Variants in SYN3 observed in about 807,000 individuals in gnomAD.
SYN3 encodes the protein synapsin III, also known as synapsin-3.
Under a neutral mutation model 65.8 loss-of-function variants are expected in SYN3, and 35 were observed. The ratio of observed to expected loss-of-function variants is 0.53; its 90% CI spans 0.41 to 0.70. The LOEUF is 0.70. Ranked by LOEUF, SYN3 falls within the 30% of genes least tolerant of loss-of-function variation. The probability of loss-of-function intolerance (pLI) is 0.00; values close to 1 mark genes in which losing one functional copy is unlikely to be tolerated. For missense variants in SYN3, 680 were observed against 749.0 expected, an observed-to-expected ratio of 0.91 and a Z score of 1.08; for synonymous variants, 270 against 292.9, an observed-to-expected ratio of 0.92 and a Z score of 0.80.
chr22:33,010,760 A>G (rs1271436022), intron 1 of SYN3, among the ~76,000 whole-genome samples: 3 of 152,192 alleles, frequency 2.0e-5, no homozygotes, highest in Admixed American at 1.3e-4. Flanking sequence ...TGGGTTCTCT[A>G]TGAACACAGT....
chr22:32,931,146 A>T, intron 4 of SYN3: 1 of 411,804 alleles, frequency 2.4e-6, no homozygotes, highest in Non-Finnish European at 4.5e-6. Context: ...CCTCAAAGCC[A>T]GAAATGGAAC....
At chr22:32,604,613 A>ATACCCTCCCTCACACTCTTTTCT (rs2059340958) in intron 6 of SYN3, among the ~76,000 whole-genome samples, 1 of 151,638 alleles carries the variant, frequency 6.6e-6, no homozygotes, top group Non-Finnish European at 1.5e-5. Context: ...TGTCCCTGAA[A>ATACCCTCCCTCACACTCTTTTCT]AGCCCTCCCG....
intron 2 of SYN3, among the ~76,000 whole-genome samples, chr22:32,984,977 G>A (rs1474722129): frequency 6.6e-6 from 1 of 152,182 alleles, no homozygotes; most frequent in Non-Finnish European, 1.5e-5. Context: ...AGGGAAGGGT[G>A]TGGTGAGAAA....
At chr22:33,027,247 C>G (rs1405816273) in intron 1 of SYN3, among the ~76,000 whole-genome samples, 1 of 151,982 alleles carries the variant, frequency 6.6e-6, no homozygotes, top group African/African-American at 2.4e-5. Context: ...TATTCTAATT[C>G]AGGTATTAAC....
At chr22:32,580,163 A>G (rs2058917852) in intron 7 of SYN3, among the ~76,000 whole-genome samples, 1 of 152,262 alleles carries the variant, frequency 6.6e-6, no homozygotes, top group Non-Finnish European at 1.5e-5. Flanking sequence ...CCAGGCTCAG[A>G]GTTGAAGATG....
intron 7 of SYN3, among the ~76,000 whole-genome samples, chr22:32,559,856 G>T (rs1010300978): frequency 6.6e-6 from 1 of 150,650 alleles, no homozygotes; most frequent in East Asian, 1.9e-4. Context: ...AAGAAAAAAA[G>T]AAAAGACCTT....
At chr22:32,550,054 A>C (rs1173851684) in intron 7 of SYN3, among the ~76,000 whole-genome samples, 1 of 152,212 alleles carries the variant, frequency 6.6e-6, no homozygotes, top group Admixed American at 6.5e-5. Flanking sequence ...ATTAATTATA[A>C]AACAAAATAA....
At chr22:32,882,388 T>C (rs1433782846) in intron 4 of SYN3, among the ~76,000 whole-genome samples, 5 of 152,212 alleles carry the variant, frequency 3.3e-5, no homozygotes. Flanking sequence ...TGGTATTATA[T>C]TTCTTTTCAT....
At chr22:32,935,777 C>T (rs2050760282) in intron 3 of SYN3, among the ~76,000 whole-genome samples, 1 of 152,176 alleles carries the variant, frequency 6.6e-6, no homozygotes, top group Non-Finnish European at 1.5e-5. Context: ...TAATACTACA[C>T]ATTAGGCACT....
intron 6 of SYN3, among the ~76,000 whole-genome samples, chr22:32,832,673 GTATTTTATTT>G (rs564439917): frequency 2.5e-4 from 38 of 151,574 alleles, no homozygotes; most frequent in South Asian, 4.2e-4. Context: ...AAACCCTCGA[GTATTTTATTT>G]TATTTTATTT....
At chr22:32,741,870 T>A (rs2044781032) in intron 6 of SYN3, among the ~76,000 whole-genome samples, 1 of 152,164 alleles carries the variant, frequency 6.6e-6, no homozygotes. Context: ...GCCAAAGGGT[T>A]CCAAACTCTT....
chr22:32,931,237 A>C (rs964846154), intron 4 of SYN3, 153 bp downstream of exon 4: 2 of 605,746 alleles, frequency 3.3e-6, no homozygotes, highest in African/African-American at 3.7e-5. Flanking sequence ...GCTGGTCATT[A>C]CTACTGCAAC....
intron 4 of SYN3, among the ~76,000 whole-genome samples, chr22:32,903,909 A>G (rs2049831847): frequency 6.6e-6 from 1 of 152,222 alleles, no homozygotes; most frequent in Admixed American, 6.5e-5. Flanking sequence ...TTTGTTTTGC[A>G]CCTACTATGT....
chr22:32,777,737 G>T (rs1478127686), intron 6 of SYN3, among the ~76,000 whole-genome samples: 2 of 152,058 alleles, frequency 1.3e-5, no homozygotes, highest in Non-Finnish European at 2.9e-5. Context: ...TATGATTTTT[G>T]TCATTTTCTT....
At chr22:32,814,878 A>G (rs1461963274) in intron 6 of SYN3, among the ~76,000 whole-genome samples, 1 of 152,214 alleles carries the variant, frequency 6.6e-6, no homozygotes, top group African/African-American at 2.4e-5. Context: ...ATTTTCCCAT[A>G]GTCATGTTTA....
chr22:32,531,683 CTT>C (rs130460), intron 10 of SYN3, among the ~76,000 whole-genome samples: 29 of 148,204 alleles, frequency 2.0e-4, no homozygotes, highest in South Asian at 4.3e-4. Context: ...TCTCTTCTGC[CTT>C]TTTTTTTTTC....
At chr22:33,028,697 G>A (rs867527737) in intron 1 of SYN3, among the ~76,000 whole-genome samples, 13 of 123,842 alleles carry the variant, frequency 1.0e-4, no homozygotes, top group South Asian at 5.1e-4. Context: ...GGTGATGGTG[G>A]TGGTGGTGGT....
At chr22:32,586,005 T>C (rs1224271305) in intron 7 of SYN3, among the ~76,000 whole-genome samples, 2 of 145,586 alleles carry the variant, frequency 1.4e-5, no homozygotes, top group African/African-American at 5.2e-5. Flanking sequence ...TATATGTATG[T>C]ATGTATACGT....
chr22:32,921,787 G>A (rs2050340391), intron 4 of SYN3, among the ~76,000 whole-genome samples: 1 of 152,126 alleles, frequency 6.6e-6, no homozygotes, highest in South Asian at 2.1e-4. Flanking sequence ...ACTAACTCAT[G>A]TAATCCTCAC....
Sources: allele counts gnomAD v4.1 joint callset (sites outside exome capture counted in the v4.1 genomes callset), GRCh38; gene constraint gnomAD v4.1.1; transcripts MANE v1.5; gene names NCBI Gene and HGNC (gene_info 2026-07-23, HGNC 2026-07-21).